Variants in FAM53B observed in about 807,000 individuals in gnomAD.
The protein encoded by FAM53B is protein FAM53B.
Under a neutral mutation model 32.7 loss-of-function variants are expected in FAM53B, and 12 were observed. That is an observed-to-expected ratio of 0.37 (90% CI 0.24 to 0.59). The LOEUF is 0.59. Ranked by LOEUF, FAM53B falls within the 20% of genes least tolerant of loss-of-function variation. The pLI is 0.72. For missense variants in FAM53B, 477 were observed against 577.7 expected (o/e 0.83, Z 1.79); for synonymous variants, 234 against 228.7 (o/e 1.02, Z -0.21).
chr10:124,680,543 T>G (rs1376115019), intron 4 of FAM53B, among the ~76,000 whole-genome samples: 1 of 152,174 alleles, frequency 6.6e-6, no homozygotes, highest in Non-Finnish European at 1.5e-5. Flanking sequence ...ACACTGGGCT[T>G]GGAAGGAAGT....
chr10:124,722,696 T>C (rs1950076714), intron 1 of FAM53B, among the ~76,000 whole-genome samples: 1 of 152,254 alleles, frequency 6.6e-6, no homozygotes, highest in Non-Finnish European at 1.5e-5. Context: ...TGTATTTTTA[T>C]ACACACATTT....
intron 1 of FAM53B, among the ~76,000 whole-genome samples, chr10:124,714,966 G>A (rs1342656784): frequency 6.6e-6 from 1 of 152,104 alleles, no homozygotes; most frequent in African/African-American, 2.4e-5. Context: ...GGAAAGTGAG[G>A]CCCAGGTCTA....
In FAM53B at chr10:124,676,502, A is replaced by G. The variant is rs1479320004; in HGVS notation, c.906+5105T>C. ...CCAAGGAAAGGCACAGCTGGCCTGC[A>G]GCTGCTGGGGGTGCCAGCGCAAGAA... On this transcript the variant is annotated intron_variant, in intron 4 of 4. Coordinates refer to ENST00000337318, the MANE Select transcript of FAM53B (RefSeq NM_014661.4). 2.0e-5 allele frequency among the ~76,000 whole-genome samples: 3 copies of G among 152,362 alleles called. No individual in the cohort carries two copies. In the East Asian group the frequency reaches 5.8e-4, roughly 29 times the overall value.
chr10:124,666,327 C>T (rs1949672347), intron 4 of FAM53B, among the ~76,000 whole-genome samples: 1 of 152,262 alleles, frequency 6.6e-6, no homozygotes, highest in Admixed American at 6.5e-5. Context: ...TGCCACATTC[C>T]TTCTATTCTG....
intron 3 of FAM53B, among the ~76,000 whole-genome samples, chr10:124,684,820 T>C (rs1244356202): frequency 6.6e-6 from 1 of 152,102 alleles, no homozygotes; most frequent in Non-Finnish European, 1.5e-5. Flanking sequence ...TGACCAGCTA[T>C]AAAGTAAAAT....
chr10:124,702,401 T>C (rs1564882117), intron 2 of FAM53B, among the ~76,000 whole-genome samples: 1 of 152,268 alleles, frequency 6.6e-6, no homozygotes. Context: ...AAGCAAATGC[T>C]AGCATCAGCT....
chr10:124,728,673 C>T (rs900354517), intron 1 of FAM53B, among the ~76,000 whole-genome samples: 6 of 152,166 alleles, frequency 3.9e-5, no homozygotes, highest in African/African-American at 9.7e-5. Context: ...AGTTTCCTGC[C>T]TTTTATTTCA....
chr10:124,685,863 C>G (rs1429270780), intron 3 of FAM53B, among the ~76,000 whole-genome samples: 1 of 152,222 alleles, frequency 6.6e-6, no homozygotes. Flanking sequence ...CTCCTCACTG[C>G]CTCTAGAGAA....
rs188296606 is a variant in FAM53B, at chr10:124,700,093, G to A, written c.79-3881C>T. 1.4e-3 allele frequency among the ~76,000 whole-genome samples: 217 copies of A among 152,308 alleles called. 1 individual carries two copies. Among genetic ancestry groups the A allele is most frequent in the Non-Finnish European group, 1.8e-3 (122 of 68,032 alleles). On this transcript the variant is annotated intron_variant, in intron 2 of 4. Transcript: ENST00000337318. ...CCATCCGTGAGGCTAAGCCAGTGGC[G>A]GCCAGGCCAGAATGTCATGTACTGA...
Position 124,706,787 on chromosome 10 carries a change from A to G in FAM53B, c.-74T>C. On this transcript the variant is annotated 5_prime_UTR_variant, in exon 2 of 5. Transcript: ENST00000337318. ...TCTTCACTTGGGCAGACTTGGGGTG[A>G]GTACCTCCTGGGGAATTGATGTCAG... 1 of 1,608,072 alleles carries G rather than the reference A, an allele frequency of 6.2e-7. No homozygotes were observed. The highest frequency in any genetic ancestry group is 8.5e-7 in the Non-Finnish European group (1 of 1,176,836).
At chr10:124,729,804 G>T (rs1374768985) in intron 1 of FAM53B, among the ~76,000 whole-genome samples, 1 of 152,180 alleles carries the variant, frequency 6.6e-6, no homozygotes, top group East Asian at 1.9e-4. Flanking sequence ...GCACAAATGT[G>T]GGGGAGATGG....
In FAM53B at chr10:124,668,798, G is replaced by A. The variant is rs527940306; in HGVS notation, c.906+12809C>T. Among the ~76,000 whole-genome samples, 6 of 152,364 alleles carry A rather than the reference G, an allele frequency of 3.9e-5. No homozygotes were observed. The South Asian group carries it at 6.2e-4, about 16-fold the overall frequency. On this transcript the variant is annotated intron_variant, in intron 4 of 4. Coordinates refer to ENST00000337318, the MANE Select transcript of FAM53B (RefSeq NM_014661.4). ...CGGAGCACGGTACGGCACAGCCACC[G>A]TTACAGTGTGCCCTCAAACCACCTT...
chr10:124,657,568 AT>A (rs1203056716), intron 4 of FAM53B, among the ~76,000 whole-genome samples: 1 of 151,994 alleles, frequency 6.6e-6, no homozygotes, highest in African/African-American at 2.4e-5. Flanking sequence ...TCCAAACTAT[AT>A]TTTTTCTCTT....
chr10:124,664,100 T>G (rs760256142), intron 4 of FAM53B, among the ~76,000 whole-genome samples: 1 of 152,130 alleles, frequency 6.6e-6, no homozygotes, highest in African/African-American at 2.4e-5. Flanking sequence ...AGCTTGAGGC[T>G]CAGGCCTCAC....
At chr10:124,680,738 A>T (rs908304492) in intron 4 of FAM53B, among the ~76,000 whole-genome samples, 2 of 152,188 alleles carry the variant, frequency 1.3e-5, no homozygotes, top group South Asian at 4.1e-4. Context: ...TCCAGAAAAG[A>T]TGATGGTCAG....
intron 2 of FAM53B, among the ~76,000 whole-genome samples, chr10:124,700,058 T>C (rs1949904839): frequency 6.6e-6 from 1 of 152,224 alleles, no homozygotes; most frequent in Non-Finnish European, 1.5e-5. Context: ...CCCATCTTGC[T>C]TTCTGAGCCC....
intron 1 of FAM53B, among the ~76,000 whole-genome samples, chr10:124,737,062 G>A (rs1950177467): frequency 6.6e-6 from 1 of 152,204 alleles, no homozygotes; most frequent in African/African-American, 2.4e-5. Context: ...CAATGAAATC[G>A]GGCTAGTCCC....
At chr10:124,658,485 G>A (rs1226573556) in intron 4 of FAM53B, among the ~76,000 whole-genome samples, 1 of 152,256 alleles carries the variant, frequency 6.6e-6, no homozygotes, top group Non-Finnish European at 1.5e-5. Context: ...AATGGGCTAA[G>A]AGGAGTATTC....
At chr10:124,710,831 G>C (rs1949996653) in intron 1 of FAM53B, among the ~76,000 whole-genome samples, 1 of 152,062 alleles carries the variant, frequency 6.6e-6, no homozygotes, top group African/African-American at 2.4e-5. Context: ...CTCACCCAGG[G>C]TCCGGGTTCA....
Sources: gnomAD v4.1 joint callset for allele counts (sites outside exome capture counted in the v4.1 genomes callset) on GRCh38, gnomAD v4.1.1 for gene constraint, MANE v1.5 for transcripts, NCBI Gene and HGNC (gene_info 2026-07-23, HGNC 2026-07-21) for gene names.